FZR1: variants seen among roughly 807,000 people sequenced by gnomAD.
The protein encoded by FZR1 is fizzy-related protein homolog.
In FZR1, 11 loss-of-function variants were observed where a neutral mutation model predicts 63.6. The observed-to-expected ratio is 0.17, with a 90% CI of 0.11 to 0.29. FZR1 has a LOEUF of 0.29. FZR1 is among the 10% of genes least tolerant of loss of function. The pLI is 1.00. For missense variants in FZR1, 440 were observed against 687.5 expected (o/e 0.64, Z 4.03); for synonymous variants, 328 against 297.9 (o/e 1.10, Z -1.04).
At chr19:3,507,307 C>T (rs895871110) in intron 1 of FZR1, among the ~76,000 whole-genome samples, 8 of 152,010 alleles carry the variant, frequency 5.3e-5, no homozygotes, top group Admixed American at 5.2e-4. Context: ...GCCTGGCCAT[C>T]TCGGATCCCC....
chr19:3,525,731 C>T lies in FZR1; in HGVS notation c.70-137C>T, dbSNP rs370577283. On this transcript the variant is annotated intron_variant, in intron 2 of 13. Transcript: ENST00000441788. The surrounding 1 kb of genome is among the most constrained non-coding windows in gnomAD (Gnocchi z 4.2). ...TGCTGGGATTACGGGCGTGAGCCAC[C>T]GCGCCTGGCCCACCCCTTGGGTTTT... 8.8e-4 allele frequency: 918 copies of T among 1,045,760 alleles called. 8 individuals carry two copies. In the South Asian group the frequency reaches 0.013, roughly 14 times the overall value. The allele number at this position is 1,045,760 out of a possible 1,614,324, so 64.8% of individuals were successfully genotyped here.
At position 3,515,534 on chromosome 19, in the gene FZR1, C is replaced by T. The variant is rs993610375; in HGVS notation, c.-34-7422C>T. Among the ~76,000 whole-genome samples the T allele has an allele frequency of 6.6e-6, 1 of 151,962 alleles. No homozygotes were observed. Among genetic ancestry groups the T allele is most frequent in the African/African-American group, 2.4e-5 (1 of 41,362 alleles). On this transcript the variant is annotated intron_variant, in intron 1 of 13. Coordinates refer to ENST00000441788, the MANE Select transcript of FZR1 (RefSeq NM_016263.4). The surrounding 1 kb of genome is among the most constrained non-coding windows in gnomAD (Gnocchi z 4.6). ...TTGTAATCCCAGCACTTTGGGAGGCCGAGGCGGGCGGATCACAAGGTCAGG... is the reference window on the plus strand; with the variant it reads ...TTGTAATCCCAGCACTTTGGGAGGCTGAGGCGGGCGGATCACAAGGTCAGG...
chr19:3,532,476 G>C lies in FZR1; in HGVS notation c.1068G>C (p.Ala356=), dbSNP rs778024704. Residue 356 remains alanine (A), a synonymous_variant, in exon 11 of 14, where the codon GCG becomes GCC. Transcript: ENST00000441788. ...TGCAGCAGTACACGGAGCACCTGGC[G>C]GCCGTGAAGGCCATCGCCTGGTCCC... ...SPVQQYTEHL[A]AVKAIAWSPH... is the part of the protein sequence containing the mutation. The C allele has an allele frequency of 6.2e-7, 1 of 1,603,074 alleles. No individual in the cohort carries two copies. The highest frequency in any genetic ancestry group is 1.1e-5 in the South Asian group (1 of 90,674).
chr19:3,512,745 C>A (rs1462382945), intron 1 of FZR1, among the ~76,000 whole-genome samples: 1 of 152,150 alleles, frequency 6.6e-6, no homozygotes. Context: ...CACATCATGA[C>A]ACCGAGGACA....
intron 11 of FZR1, 54 bp downstream of exon 11, chr19:3,532,704 G>GCCCCTTACCTGCCAC (rs2083260785): frequency 1.6e-6 from 2 of 1,238,994 alleles, no homozygotes; most frequent in Non-Finnish European, 1.2e-6. Flanking sequence ...CGTCCTGCTG[G>GCCCCTTACCTGCCAC]CCCCTTACCT....
rs1207619810 is a variant in FZR1, at chr19:3,533,576, A to G, written c.1347+178A>G. Reference sequence around the variant, plus strand: ...TGCTGGTTGTGTTGCCAGCGTTGGAATGGGCTCTACCGAACTCCCCAGCCC... The same window carrying G: ...TGCTGGTTGTGTTGCCAGCGTTGGAGTGGGCTCTACCGAACTCCCCAGCCC... On this transcript the variant is annotated intron_variant, in intron 12 of 13. Coordinates refer to ENST00000441788, the MANE Select transcript of FZR1 (RefSeq NM_016263.4). The surrounding 1 kb of genome is among the most constrained non-coding windows in gnomAD (Gnocchi z 4.9). 1 of 592,984 alleles carries G rather than the reference A, an allele frequency of 1.7e-6. No homozygotes were observed. Among genetic ancestry groups the G allele is most frequent in the Non-Finnish European group, 3.0e-6 (1 of 329,248 alleles). The allele number at this position is 592,984 out of a possible 1,614,324, so 36.7% of individuals were successfully genotyped here.
In FZR1 at chr19:3,526,196, G is replaced by A; in HGVS notation, c.259+13G>A. ...GACAACGGCAAAGGTTAGGGTCCCAGCCCATCCGCCCTGCAGGCCCCCACC... is the reference window on the plus strand; with the variant it reads ...GACAACGGCAAAGGTTAGGGTCCCAACCCATCCGCCCTGCAGGCCCCCACC... On this transcript the variant is annotated intron_variant, in intron 4 of 13. Transcript: ENST00000441788. This position sits in a 1 kb window ranked among gnomAD's most constrained non-coding sequence, Gnocchi z 5.4. 6.2e-7 allele frequency: 1 copy of A among 1,612,180 alleles called. No homozygotes were observed. Among genetic ancestry groups the A allele is most frequent in the Non-Finnish European group, 8.5e-7 (1 of 1,179,942 alleles).
intron 1 of FZR1, among the ~76,000 whole-genome samples, chr19:3,510,066 GTCC>G (rs1305825063): frequency 9.9e-5 from 15 of 151,692 alleles, no homozygotes; most frequent in Non-Finnish European, 7.4e-5. Flanking sequence ...TTTCCACCTT[GTCC>G]TCCTGCCCCC....
chr19:3,533,686 C>G lies in FZR1; in HGVS notation c.1347+288C>G, dbSNP rs1201040500. On this transcript the variant is annotated intron_variant, in intron 12 of 13. Transcript: ENST00000441788. The surrounding 1 kb of genome is among the most constrained non-coding windows in gnomAD (Gnocchi z 4.9). ...CATAAAGAGGGGTGAAGAGGAAAGCCAAAACCAACTCACAGCTGACCACTC... is the reference window on the plus strand; with the variant it reads ...CATAAAGAGGGGTGAAGAGGAAAGCGAAAACCAACTCACAGCTGACCACTC... 1 of 402,190 alleles carries G rather than the reference C, an allele frequency of 2.5e-6. No individual in the cohort carries two copies. The highest frequency in any genetic ancestry group is 3.1e-5 in the South Asian group (1 of 32,648). The allele number at this position is 402,190 out of a possible 1,614,324, so 24.9% of individuals were successfully genotyped here. A position where few individuals can be genotyped will look rare whatever the true frequency, so the allele number is the denominator to read the frequency against.
intron 1 of FZR1, among the ~76,000 whole-genome samples, chr19:3,522,719 C>T (rs568769865): frequency 9.8e-5 from 15 of 152,292 alleles, no homozygotes; most frequent in African/African-American, 1.9e-4. Context: ...GCCCCTTTCC[C>T]GGGCAGGAGG....
chr19:3,522,497 C>T (rs937039955), intron 1 of FZR1, among the ~76,000 whole-genome samples: 3 of 152,188 alleles, frequency 2.0e-5, no homozygotes, highest in South Asian at 2.1e-4. Flanking sequence ...CCTGGACCCA[C>T]GTGGCCGGCC....
intron 2 of FZR1, 34 bp downstream of exon 2, chr19:3,523,092 C>T: frequency 7.6e-7 from 1 of 1,311,622 alleles, no homozygotes; most frequent in South Asian, 1.2e-5. Context: ...CACTGTGGCT[C>T]CCCCTCCCCC....
chr19:3,529,820 ATGGGTGAGCGGATGGGTGAGCGGG>A lies in FZR1; in HGVS notation c.655-960_655-937del, dbSNP rs1212855755. Among the ~76,000 whole-genome samples, 84 of 79,478 alleles carry A rather than the reference ATGGGTGAGCGGATGGGTGAGCGGG, an allele frequency of 1.1e-3. 5 individuals carry two copies. The highest frequency in any genetic ancestry group is 5.0e-3 in the African/African-American group (58 of 11,534). The allele number at this position is 79,478 out of a possible 152,430, so 52.1% of individuals were successfully genotyped here. A position where few individuals can be genotyped will look rare whatever the true frequency, so the allele number is the denominator to read the frequency against. ...GTTGAGGGAGTGGATGGTTGAGTGG[ATGGGTGAGCGGATGGGTGAGCGGG>A]TGGGTGAGCGGGTGGGTGAGCGGGT... On this transcript the variant is annotated intron_variant, in intron 7 of 13. Coordinates refer to ENST00000441788, the MANE Select transcript of FZR1 (RefSeq NM_016263.4).
intron 1 of FZR1, among the ~76,000 whole-genome samples, chr19:3,520,879 A>C (rs768256849): frequency 1.5e-4 from 23 of 152,222 alleles, no homozygotes; most frequent in Non-Finnish European, 2.9e-5. Flanking sequence ...AAGCCAGTGC[A>C]TGCCTCAGGT....
intron 11 of FZR1, 139 bp downstream of exon 11, chr19:3,532,789 G>A: frequency 1.5e-6 from 1 of 674,040 alleles, no homozygotes; most frequent in Admixed American, 2.5e-5. Flanking sequence ...GGCCGAGCGG[G>A]GAGGCAGGGA....
intron 7 of FZR1, among the ~76,000 whole-genome samples, chr19:3,528,129 C>T (rs1213229673): frequency 6.6e-6 from 1 of 152,224 alleles, no homozygotes; most frequent in Non-Finnish European, 1.5e-5. Flanking sequence ...GAGCCACAAT[C>T]TCTGTTCAGC....
At chr19:3,508,142 GGAGTTTCTA>G (rs1272739960) in intron 1 of FZR1, among the ~76,000 whole-genome samples, 3 of 151,796 alleles carry the variant, frequency 2.0e-5, no homozygotes, top group Non-Finnish European at 4.4e-5. Flanking sequence ...GTTTGGAGGA[GGAGTTTCTA>G]GAAACAGACA....
In FZR1 at chr19:3,532,176, G is replaced by T. The variant is rs2083254583; in HGVS notation, c.1008+81G>T. On this transcript the variant is annotated intron_variant, in intron 10 of 13. Transcript: ENST00000441788. The stretch of plus-strand genomic sequence containing the variant: ...TGGCAGGAACGGAAGAGCCTGGGCT[G>T]GGGCGGGCGCGGGCGCGGGGCCCAC... The T allele has an allele frequency of 2.2e-6, 3 of 1,349,430 alleles. No individual in the cohort carries two copies. The Admixed American group carries it at 8.3e-5, about 37-fold the overall frequency. 83.6% of individuals were successfully genotyped at this position (1,349,430 alleles called of 1,614,324 possible). A position where few individuals can be genotyped will look rare whatever the true frequency, so the allele number is the denominator to read the frequency against.
intron 6 of FZR1, 147 bp from the exon 7 acceptor site, chr19:3,527,484 C>T (rs946177760): frequency 6.1e-6 from 4 of 652,592 alleles, no homozygotes; most frequent in Non-Finnish European, 1.0e-5. Context: ...GGGGCTGTCC[C>T]TGGGTTTAGG....
Sources: gnomAD v4.1 joint callset for allele counts (sites outside exome capture counted in the v4.1 genomes callset) on GRCh38, gnomAD v4.1.1 for gene constraint, Gnocchi (gnomAD v3.1) non-coding constraint, MANE v1.5 for transcripts, NCBI Gene and HGNC (gene_info 2026-07-23, HGNC 2026-07-21) for gene names.